HERC3: variants seen among roughly 807,000 people sequenced by gnomAD.
The protein encoded by HERC3 is HECT and RLD domain containing E3 ubiquitin protein ligase 3, also known as probable E3 ubiquitin-protein ligase HERC3.
In HERC3, 58 loss-of-function variants were observed where a neutral mutation model predicts 129.9. That is an observed-to-expected ratio of 0.45 (90% CI 0.36 to 0.56). The LOEUF is 0.56. HERC3 is among the 20% of genes least tolerant of loss of function. The pLI is 0.00. For synonymous variants in HERC3, 430 were observed against 451.0 expected (o/e 0.95, Z 0.59); for missense variants, 835 against 1,244.2 (o/e 0.67, Z 4.95).
In HERC3 at chr4:88,669,812, C is replaced by T. The variant is rs756223232; in HGVS notation, c.1634-48C>T. On this transcript the variant is annotated intron_variant, in intron 14 of 25. Coordinates refer to ENST00000402738, the MANE Select transcript of HERC3 (RefSeq NM_014606.3). ...AACTGGCAGGCAGAAGACATAAATA[C>T]TTGCCCAAGATTACATGTTGAAATA... 3 of 1,522,720 alleles carry T rather than the reference C, an allele frequency of 2.0e-6. No homozygotes were observed. The South Asian group carries it at 3.4e-5, about 17-fold the overall frequency. The allele number at this position is 1,522,720 out of a possible 1,614,324, so 94.3% of individuals were successfully genotyped here.
chr4:88,689,635 T>C (rs1002914017), intron 23 of HERC3, among the ~76,000 whole-genome samples: 4 of 150,618 alleles, frequency 2.7e-5, no homozygotes, highest in Non-Finnish European at 5.9e-5. Context: ...TGGAGTGCAG[T>C]GGTGCAATCT....
intron 25 of HERC3, among the ~76,000 whole-genome samples, chr4:88,705,508 G>A (rs1735701877): frequency 6.6e-6 from 1 of 152,176 alleles, no homozygotes; most frequent in Non-Finnish European, 1.5e-5. Flanking sequence ...CAGTCTTTCT[G>A]TCTCTATGGA....
chr4:88,648,380 G>A (rs1030288538), intron 3 of HERC3, among the ~76,000 whole-genome samples: 17 of 152,168 alleles, frequency 1.1e-4, no homozygotes, highest in African/African-American at 4.1e-4. Context: ...AGCAGTATGG[G>A]AGGTAAAATA....
the HERC3 span, among the ~76,000 whole-genome samples, chr4:88,580,230 G>A: frequency 9.8e-5 from 15 of 152,302 alleles, no homozygotes; most frequent in African/African-American, 3.6e-4. Flanking sequence ...TGAAGGCAAC[G>A]AAAGTGGAAT....
In HERC3 at chr4:88,605,862, T is replaced by G; in HGVS notation, c.39T>G (p.Gly13=). The G allele has an allele frequency of 6.2e-7, 1 of 1,614,214 alleles. No homozygotes were observed. The highest frequency in any genetic ancestry group is 8.5e-7 in the Non-Finnish European group (1 of 1,180,030). The change falls in exon 3 of 26, where the codon GGT becomes GGG. Residue 13 remains glycine (G), a synonymous_variant. Coordinates refer to ENST00000402738, the MANE Select transcript of HERC3 (RefSeq NM_014606.3). ...GATATTGGTCTCTGGGCCAACCTGG[T>G]ATCAGCACCAACCTGCAGGGAATTG... The part of the protein sequence containing the change: ...CWGYWSLGQP[G]ISTNLQGIVA...
the HERC3 span, among the ~76,000 whole-genome samples, chr4:88,530,206 C>T: frequency 6.6e-6 from 1 of 151,978 alleles, no homozygotes; most frequent in African/African-American, 2.4e-5. Flanking sequence ...AAGAGAATTG[C>T]TTGAACCAGG....
chr4:88,553,489 T>C, the HERC3 span, among the ~76,000 whole-genome samples: 9 of 152,308 alleles, frequency 5.9e-5, no homozygotes, highest in East Asian at 1.5e-3. Context: ...TCAAGGATAC[T>C]GACTTTTAAA....
intron 5 of HERC3, 58 bp downstream of exon 5, chr4:88,652,146 G>C (rs1441431683): frequency 3.9e-6 from 5 of 1,277,070 alleles, no homozygotes; most frequent in African/African-American, 1.5e-5. Flanking sequence ...ATTTCTCTTT[G>C]TCTTTTTGTG....
chr4:88,610,838 C>T (rs1189723035), intron 3 of HERC3, among the ~76,000 whole-genome samples: 3 of 152,200 alleles, frequency 2.0e-5, no homozygotes, highest in Non-Finnish European at 4.4e-5. Flanking sequence ...CTAGCACAGC[C>T]TCCTGATGCA....
chr4:88,706,311 A>G (rs1378017693), intron 25 of HERC3, among the ~76,000 whole-genome samples: 1 of 152,170 alleles, frequency 6.6e-6, no homozygotes, highest in Admixed American at 6.5e-5. Context: ...GCAATGTCTA[A>G]CATAATGTTT....
chr4:88,546,425 C>T, the HERC3 span, among the ~76,000 whole-genome samples: 1 of 152,186 alleles, frequency 6.6e-6, no homozygotes, highest in South Asian at 2.1e-4. Context: ...ATATTATTGA[C>T]TACCAAATCT....
chr4:88,590,098 C>G (rs2149158556), upstream of HERC3, among the ~76,000 whole-genome samples: 1 of 150,782 alleles, frequency 6.6e-6, no homozygotes. Context: ...TGAAATCCCG[C>G]CTCTACTAAA....
At chr4:88,554,480 T>G in the HERC3 span, among the ~76,000 whole-genome samples, 1 of 152,142 alleles carries the variant, frequency 6.6e-6, no homozygotes, top group Non-Finnish European at 1.5e-5. Flanking sequence ...ATAAAATGAT[T>G]GAGGTTAATC....
At chr4:88,615,763 T>C (rs1724837268) in intron 3 of HERC3, among the ~76,000 whole-genome samples, 1 of 152,220 alleles carries the variant, frequency 6.6e-6, no homozygotes, top group African/African-American at 2.4e-5. Flanking sequence ...CAATTAGTAC[T>C]AGCTATTATT....
rs1157580062 is a variant in HERC3 at position 88,667,906 on chromosome 4, T to G, written c.1458T>G (p.Phe486Leu). The change falls in exon 14 of 26, where the codon TTT becomes TTG. Residue 486 changes from phenylalanine (F) to leucine (L), a missense_variant. By Grantham distance (22) the Phe-to-Leu change is conservative. Coordinates refer to ENST00000402738, the MANE Select transcript of HERC3 (RefSeq NM_014606.3). ...CCCTCATACAGATTTTGAACAGTTT[T>G]GAAAGTTGTCTGATTCCCCAGTTGT... ...SMILEQILNSFESCLIPQLSS... is the reference protein window; with the variant it reads ...SMILEQILNSLESCLIPQLSS... 1 of 1,612,124 alleles carries G rather than the reference T, an allele frequency of 6.2e-7. No individual in the cohort carries two copies. Among genetic ancestry groups the G allele is most frequent in the East Asian group, 2.2e-5 (1 of 44,856 alleles).
chr4:88,545,436 T>C, the HERC3 span, among the ~76,000 whole-genome samples: 5 of 147,772 alleles, frequency 3.4e-5, 1 homozygote, highest in East Asian at 1.0e-3. Context: ...AATTCTTTTT[T>C]TTTTTTTTTT....
At chr4:88,677,740 A>G (rs527350713) in intron 18 of HERC3, among the ~76,000 whole-genome samples, 18 of 152,286 alleles carry the variant, frequency 1.2e-4, no homozygotes, top group African/African-American at 4.1e-4. Flanking sequence ...ATTATAGATC[A>G]TATGATTCAT....
intron 11 of HERC3, among the ~76,000 whole-genome samples, chr4:88,663,315 G>A (rs1158735102): frequency 2.0e-5 from 3 of 152,186 alleles, no homozygotes; most frequent in African/African-American, 7.2e-5. Flanking sequence ...GAGCAGCTCT[G>A]TGGCAGTCTT....
At chr4:88,633,790 A>T (rs1243475756) in intron 3 of HERC3, among the ~76,000 whole-genome samples, 1 of 152,236 alleles carries the variant, frequency 6.6e-6, no homozygotes, top group East Asian at 1.9e-4. Context: ...AAAAATAATG[A>T]TATTGGAAGA....
Sources: gnomAD v4.1 joint callset for allele counts (sites outside exome capture counted in the v4.1 genomes callset) on GRCh38, gnomAD v4.1.1 for gene constraint, MANE v1.5 for transcripts, NCBI Gene and HGNC (gene_info 2026-07-23, HGNC 2026-07-21) for gene names.